Variants in PRKG1 observed in about 807,000 individuals in gnomAD.
The protein encoded by PRKG1 is protein kinase cGMP-dependent 1.
PRKG1 carries 35 observed loss-of-function variants against 88.1 expected under a neutral mutation model. The ratio of observed to expected loss-of-function variants is 0.40; its 90% CI spans 0.30 to 0.53. The LOEUF (loss-of-function observed/expected upper bound fraction) is 0.53, where lower values mean the gene tolerates loss of function less well. PRKG1 is among the 20% of genes least tolerant of loss of function. The probability of loss-of-function intolerance (pLI) is 0.59; values close to 1 mark genes in which losing one functional copy is unlikely to be tolerated. For missense variants in PRKG1, 540 were observed against 839.8 expected (o/e 0.64, Z 4.41); for synonymous variants, 303 against 292.5 (o/e 1.04, Z -0.37).
chr10:51,109,335 C>G (rs760245064), intron 1 of PRKG1, among the ~76,000 whole-genome samples: 1 of 151,912 alleles, frequency 6.6e-6, no homozygotes, highest in South Asian at 2.1e-4. Flanking sequence ...TATTATAAAC[C>G]TTCAAGAGCA....
chr10:51,213,154 T>C (rs900448929), intron 2 of PRKG1, among the ~76,000 whole-genome samples: 8 of 152,206 alleles, frequency 5.3e-5, no homozygotes, highest in African/African-American at 1.7e-4. Context: ...GATTAGTTCA[T>C]GTCCTTTGTA....
Position 51,344,599 on chromosome 10 carries a change from A to G in PRKG1, c.479-123124A>G, listed in dbSNP as rs1221358119. Reference sequence around the variant, plus strand: ...AAGCATGTACATGGTATTTGACAAGATGACTGTAGAGATGATGTCTTACTC... The same window carrying G: ...AAGCATGTACATGGTATTTGACAAGGTGACTGTAGAGATGATGTCTTACTC... On this transcript the variant is annotated intron_variant, in intron 2 of 17. Coordinates refer to ENST00000373980, the MANE Select transcript of PRKG1 (RefSeq NM_006258.4). 2.6e-5 allele frequency among the ~76,000 whole-genome samples: 4 copies of G among 152,188 alleles called. No individual in the cohort carries two copies. In the South Asian group the frequency reaches 6.2e-4, roughly 24 times the overall value.
intron 2 of PRKG1, among the ~76,000 whole-genome samples, chr10:51,336,120 A>C (rs1268846600): frequency 6.6e-6 from 1 of 152,182 alleles, no homozygotes; most frequent in Non-Finnish European, 1.5e-5. Flanking sequence ...TGGGAGGCCA[A>C]GGTGGGCAGG....
chr10:51,329,520 G>A (rs538883154), intron 2 of PRKG1, among the ~76,000 whole-genome samples: 7 of 152,084 alleles, frequency 4.6e-5, no homozygotes, highest in Non-Finnish European at 1.0e-4. Context: ...TTTTACCAGC[G>A]GGTTTTATAC....
At chr10:51,304,757 G>C (rs1338063438) in intron 2 of PRKG1, among the ~76,000 whole-genome samples, 1 of 150,764 alleles carries the variant, frequency 6.6e-6, no homozygotes, top group Non-Finnish European at 1.5e-5. Flanking sequence ...CCTTGCAATA[G>C]TTTACTGAGA....
chr10:51,554,158 T>TTA (rs553129086), intron 3 of PRKG1, among the ~76,000 whole-genome samples: 1 of 146,696 alleles, frequency 6.8e-6, no homozygotes, highest in Non-Finnish European at 1.5e-5. Flanking sequence ...TGTGTATATA[T>TTA]TATATGTGCG....
At chr10:52,166,580 C>T (rs1589665589) in intron 9 of PRKG1, among the ~76,000 whole-genome samples, 1 of 148,586 alleles carries the variant, frequency 6.7e-6, no homozygotes, top group Admixed American at 6.7e-5. Flanking sequence ...ACTACAGGCG[C>T]CCGCCACTAT....
intron 5 of PRKG1, among the ~76,000 whole-genome samples, chr10:52,017,010 C>T (rs10823963): frequency 0.28 from 42,927 of 151,848 alleles, 6,246 homozygotes; most frequent in Non-Finnish European, 0.33. Flanking sequence ...GACAAAAAGA[C>T]ATGTAAATTC....
chr10:51,349,056 G>C (rs1842179265), intron 2 of PRKG1, among the ~76,000 whole-genome samples: 1 of 152,164 alleles, frequency 6.6e-6, no homozygotes, highest in South Asian at 2.1e-4. Context: ...GTGTGCCCAA[G>C]TGTTGTCGTC....
intron 4 of PRKG1, among the ~76,000 whole-genome samples, chr10:51,839,397 T>C (rs1840212444): frequency 6.6e-6 from 1 of 152,148 alleles, no homozygotes; most frequent in Non-Finnish European, 1.5e-5. Context: ...ACCTCTACCA[T>C]GTTGAGTTGG....
At chr10:51,109,512 G>A (rs1844929380) in intron 1 of PRKG1, among the ~76,000 whole-genome samples, 1 of 152,134 alleles carries the variant, frequency 6.6e-6, no homozygotes, top group South Asian at 2.1e-4. Context: ...AACAGTGAGT[G>A]CTGGAACAAT....
Position 51,288,928 on chromosome 10 carries a change from T to C in PRKG1, c.478+135598T>C, listed in dbSNP as rs182268663. Among the ~76,000 whole-genome samples the C allele has an allele frequency of 3.3e-5, 5 of 152,282 alleles. No individual in the cohort carries two copies. In the East Asian group the frequency reaches 9.6e-4, roughly 29 times the overall value. ...TATTCATGTGTTGCATGCATGATTA[T>C]GTATGATATGTAAAATTATATATTA... On this transcript the variant is annotated intron_variant, in intron 2 of 17. Transcript: ENST00000373980.
intron 2 of PRKG1, among the ~76,000 whole-genome samples, chr10:51,267,764 A>T (rs1442452290): frequency 6.6e-6 from 1 of 152,202 alleles, no homozygotes; most frequent in Admixed American, 6.5e-5. Context: ...ATTCATGACC[A>T]AGAACCCAAA....
intron 3 of PRKG1, among the ~76,000 whole-genome samples, chr10:51,784,978 AT>A (rs1189418559): frequency 8.6e-5 from 13 of 151,350 alleles, no homozygotes; most frequent in Admixed American, 7.9e-4. Context: ...TTTTCTTCTC[AT>A]TTTTTTTAGA....
chr10:52,240,393 A>G (rs1198322107), intron 9 of PRKG1, among the ~76,000 whole-genome samples: 2 of 152,238 alleles, frequency 1.3e-5, no homozygotes, highest in Non-Finnish European at 1.5e-5. Context: ...GGGAGATAAG[A>G]CAAATAAATA....
intron 2 of PRKG1, among the ~76,000 whole-genome samples, chr10:51,307,366 T>A (rs1785566030): frequency 6.6e-6 from 1 of 152,178 alleles, no homozygotes. Flanking sequence ...TTAAGTAACT[T>A]GCCCAAGGTA....
In PRKG1 at chr10:51,923,516, AT is replaced by A. The variant is rs542093371; in HGVS notation, c.762+15947del. On this transcript the variant is annotated intron_variant, in intron 5 of 17. Transcript: ENST00000373980. Reference sequence around the variant, plus strand: ...TTGACATAATATGCTAATATTGCTAATACTAATTTTAGCATATTACTTCTAT... The same window carrying A: ...TTGACATAATATGCTAATATTGCTAAACTAATTTTAGCATATTACTTCTAT... Among the ~76,000 whole-genome samples the A allele has an allele frequency of 1.2e-3, 180 of 150,572 alleles. 1 individual carries two copies. The highest frequency in any genetic ancestry group is 4.2e-3 in the African/African-American group (174 of 41,286).
intron 4 of PRKG1, 48 bp from the exon 5 acceptor site, chr10:51,907,459 A>T: frequency 7.0e-7 from 1 of 1,418,940 alleles, no homozygotes; most frequent in Non-Finnish European, 9.8e-7. Context: ...TACTTATGAA[A>T]GTAAGTTGTG....
intron 2 of PRKG1, among the ~76,000 whole-genome samples, chr10:51,327,011 G>A (rs1164736527): frequency 6.6e-6 from 1 of 152,180 alleles, no homozygotes; most frequent in Non-Finnish European, 1.5e-5. Flanking sequence ...AAGTCAGCAT[G>A]TATACTGCAT....
Sources: allele counts gnomAD v4.1 joint callset (sites outside exome capture counted in the v4.1 genomes callset), GRCh38; gene constraint gnomAD v4.1.1; transcripts MANE v1.5; gene names NCBI Gene and HGNC (gene_info 2026-07-23, HGNC 2026-07-21).